Variants in ERG observed in about 807,000 individuals in gnomAD.
ERG encodes the protein transcriptional regulator ERG.
A neutral mutation model predicts 55.3 loss-of-function variants in ERG; 9 were observed. That is an observed-to-expected ratio of 0.16 (90% CI 0.10 to 0.28). ERG has a LOEUF of 0.28. Ranked by LOEUF, ERG falls within the 10% of genes least tolerant of loss-of-function variation. The probability of loss-of-function intolerance (pLI) is 1.00; values close to 1 mark genes in which losing one functional copy is unlikely to be tolerated. For missense variants in ERG, 434 were observed against 631.6 expected (o/e 0.69, Z 3.35); for synonymous variants, 223 against 237.3 (o/e 0.94, Z 0.55).
intron 2 of ERG, among the ~76,000 whole-genome samples, chr21:38,445,129 TTTC>T (rs1366889908): frequency 3.0e-4 from 43 of 143,240 alleles, no homozygotes; most frequent in Admixed American, 7.6e-4. Flanking sequence ...TCTTTCTTTC[TTTC>T]TTCTTCTTTT....
At chr21:38,431,733 G>T (rs900342399) in intron 2 of ERG, among the ~76,000 whole-genome samples, 1 of 152,306 alleles carries the variant, frequency 6.6e-6, no homozygotes, top group East Asian at 1.9e-4. Context: ...CTCTCCCTGG[G>T]TTAAGCTTTG....
chr21:38,537,351 G>T (rs1425846102), intron 2 of ERG, among the ~76,000 whole-genome samples: 3 of 151,752 alleles, frequency 2.0e-5, no homozygotes, highest in African/African-American at 7.3e-5. Context: ...AGTCAAACAA[G>T]CTATCAACAA....
upstream of ERG, among the ~76,000 whole-genome samples, chr21:38,587,516 A>G (rs1450263104): frequency 3.3e-5 from 5 of 151,624 alleles, no homozygotes; most frequent in East Asian, 1.9e-4. Context: ...CCGCCACCAC[A>G]CCCGGCTAAT....
upstream of ERG, among the ~76,000 whole-genome samples, chr21:38,502,122 C>T (rs2059425532): frequency 2.6e-5 from 4 of 152,312 alleles, no homozygotes; most frequent in South Asian, 8.3e-4. Flanking sequence ...ACCTCCACAT[C>T]TGTGGGGACA....
chr21:38,595,073 T>C (rs914688484), intron 1 of ERG, among the ~76,000 whole-genome samples: 4 of 152,126 alleles, frequency 2.6e-5, no homozygotes, highest in African/African-American at 4.8e-5. Context: ...GGCAGGCACA[T>C]TGGTTGGACG....
At chr21:38,606,741 A>G (rs186539893) in intron 1 of ERG, among the ~76,000 whole-genome samples, 1 of 152,320 alleles carries the variant, frequency 6.6e-6, no homozygotes, top group African/African-American at 2.4e-5. Context: ...ACTATCTTAA[A>G]ATTAGTTATT....
At chr21:38,542,210 G>A (rs192587751) in intron 2 of ERG, among the ~76,000 whole-genome samples, 2,628 of 152,088 alleles carry the variant, frequency 0.017, 80 homozygotes, top group African/African-American at 0.034. Flanking sequence ...GGCTGGTCTC[G>A]AACTCCTGAC....
chr21:38,508,153 G>C, intron 2 of ERG, among the ~76,000 whole-genome samples: 1 of 151,740 alleles, frequency 6.6e-6, no homozygotes, highest in Non-Finnish European at 1.5e-5. Context: ...AGATGAGAGA[G>C]AGAGACAGAG....
chr21:38,483,235 T>C (rs2059253660), intron 1 of ERG, among the ~76,000 whole-genome samples: 1 of 152,162 alleles, frequency 6.6e-6, no homozygotes, highest in Admixed American at 6.5e-5. Context: ...TGCTTAATAA[T>C]ACCGTGCTGT....
At chr21:38,653,069 C>T (rs765663027) in intron 1 of ERG, among the ~76,000 whole-genome samples, 6 of 152,196 alleles carry the variant, frequency 3.9e-5, no homozygotes, top group African/African-American at 1.2e-4. Context: ...CTAGATTCCA[C>T]GATGTGAATG....
At chr21:38,588,117 G>A (rs1236611549), upstream of ERG, among the ~76,000 whole-genome samples, 1 of 152,202 alleles carries the variant, frequency 6.6e-6, no homozygotes, top group African/African-American at 2.4e-5. Flanking sequence ...CCAGAGAAAG[G>A]CACACTACCA....
At chr21:38,367,598 C>T in the ERG span, 1 of 521,278 alleles carries the variant, frequency 1.9e-6, no homozygotes. Context: ...AAGTCACACA[C>T]TGTCACATCT....
chr21:38,653,834 T>A (rs950274196), intron 1 of ERG, among the ~76,000 whole-genome samples: 3 of 152,248 alleles, frequency 2.0e-5, no homozygotes, highest in Non-Finnish European at 4.4e-5. Flanking sequence ...CAATATATTT[T>A]AATTAAGAAA....
At chr21:38,416,392 T>C (rs1004063150) in intron 3 of ERG, among the ~76,000 whole-genome samples, 1 of 152,248 alleles carries the variant, frequency 6.6e-6, no homozygotes, top group Admixed American at 6.5e-5. Context: ...AAACTTCTTT[T>C]TTGAAAGGAA....
chr21:38,451,542 T>C (rs1000325302), intron 1 of ERG, among the ~76,000 whole-genome samples: 1 of 152,232 alleles, frequency 6.6e-6, no homozygotes, highest in Non-Finnish European at 1.5e-5. Flanking sequence ...CTTTAGTGGA[T>C]GTCTGCAGAC....
At chr21:38,580,209 T>C (rs1334584742) in intron 1 of ERG, among the ~76,000 whole-genome samples, 1 of 152,210 alleles carries the variant, frequency 6.6e-6, no homozygotes, top group East Asian at 1.9e-4. Context: ...CACGTTGGCC[T>C]CCCAAAGTGC....
At chr21:38,557,580 T>C (rs940641119) in intron 2 of ERG, among the ~76,000 whole-genome samples, 4 of 152,236 alleles carry the variant, frequency 2.6e-5, no homozygotes, top group East Asian at 3.8e-4. Context: ...TATATGTGTA[T>C]GTTTTTTTAA....
chr21:38,470,079 C>A (rs2059126208), intron 1 of ERG, among the ~76,000 whole-genome samples: 1 of 152,160 alleles, frequency 6.6e-6, no homozygotes, highest in African/African-American at 2.4e-5. Flanking sequence ...ATCTCCGGAA[C>A]CCACTGCACA....
chr21:38,387,076 GAA>G (rs367605254), intron 9 of ERG, among the ~76,000 whole-genome samples: 3 of 150,680 alleles, frequency 2.0e-5, no homozygotes, highest in African/African-American at 4.9e-5. Context: ...AAAAAAGGGG[GAA>G]AAAAAAACTA....
Sources: allele counts gnomAD v4.1 joint callset (sites outside exome capture counted in the v4.1 genomes callset), GRCh38; gene constraint gnomAD v4.1.1; transcripts MANE v1.5; gene names NCBI Gene and HGNC (gene_info 2026-07-23, HGNC 2026-07-21).